The following WWP2 variants were observed in gnomAD, a reference collection of about 807,000 sequenced individuals.
WWP2 encodes the protein WW domain containing E3 ubiquitin protein ligase 2.
Under a neutral mutation model 121.0 loss-of-function variants are expected in WWP2, and 57 were observed. The observed-to-expected ratio is 0.47, with a 90% CI of 0.38 to 0.59. The LOEUF (loss-of-function observed/expected upper bound fraction) is 0.59. WWP2 is among the 20% of genes least tolerant of loss of function. The pLI is 0.00. For missense variants in WWP2, 962 were observed against 1,158.9 expected (o/e 0.83, Z 2.47); for synonymous variants, 449 against 441.3 (o/e 1.02, Z -0.22).
intron 18 of WWP2, 129 bp from the exon 19 acceptor site, chr16:69,936,183 C>A (rs1597189372): frequency 6.8e-7 from 1 of 1,461,234 alleles, no homozygotes; most frequent in Non-Finnish European, 9.3e-7. Context: ...AGTCAAGGAG[C>A]TGTCCCCTGT....
chr16:69,772,135 A>G (rs2055431365), intron 1 of WWP2, among the ~76,000 whole-genome samples: 1 of 150,648 alleles, frequency 6.6e-6, no homozygotes, highest in African/African-American at 2.4e-5. Flanking sequence ...CTAATTTTGT[A>G]TTTTTAGTAA....
intron 9 of WWP2, among the ~76,000 whole-genome samples, chr16:69,911,420 T>C (rs975550467): frequency 2.0e-5 from 3 of 152,064 alleles, no homozygotes; most frequent in East Asian, 1.9e-4. Context: ...ATGATCCAGG[T>C]TGGGGGGACA....
At chr16:69,908,886 A>T in intron 9 of WWP2, 36 bp downstream of exon 9, 1 of 1,613,896 alleles carries the variant, frequency 6.2e-7, no homozygotes, top group East Asian at 2.2e-5. Context: ...AGACTCTGGA[A>T]CTGACACCAT....
At chr16:69,920,136 A>T (rs1319109062) in intron 10 of WWP2, among the ~76,000 whole-genome samples, 1 of 152,126 alleles carries the variant, frequency 6.6e-6, no homozygotes, top group East Asian at 1.9e-4. Context: ...AAGTCACTGT[A>T]GCATCTCCCT....
chr16:69,872,581 AT>A, intron 7 of WWP2, among the ~76,000 whole-genome samples: 1 of 152,276 alleles, frequency 6.6e-6, no homozygotes, highest in Non-Finnish European at 1.5e-5. Flanking sequence ...TACATAGCAT[AT>A]TTTTTATTTC....
At chr16:69,936,126 G>C (rs1797174124) in intron 18 of WWP2, 140 bp downstream of exon 18, 3 of 1,455,996 alleles carry the variant, frequency 2.1e-6, no homozygotes, top group Non-Finnish European at 2.8e-6. Context: ...TTGTGGAGAG[G>C]AATGTCCTCT....
intron 9 of WWP2, among the ~76,000 whole-genome samples, chr16:69,913,419 T>C (rs767387796): frequency 2.0e-5 from 3 of 151,878 alleles, no homozygotes; most frequent in Non-Finnish European, 4.4e-5. Context: ...GGAGAATCAG[T>C]TGGGCCTGGA....
intron 4 of WWP2, among the ~76,000 whole-genome samples, chr16:69,805,734 T>C (rs2056261996): frequency 6.6e-6 from 1 of 151,722 alleles, no homozygotes; most frequent in Non-Finnish European, 1.5e-5. Flanking sequence ...TCTCAGTCTC[T>C]GGAGTAGCTG....
rs74666562 is a variant in WWP2, at chr16:69,937,854, G to T, written c.2343+202G>T. Reference sequence around the variant, plus strand: ...TGGTGGCCAGTGGATGTGACAGGAGGTCGTCAGTGGTCAGCCTTGGGCCAG... The same window carrying T: ...TGGTGGCCAGTGGATGTGACAGGAGTTCGTCAGTGGTCAGCCTTGGGCCAG... On this transcript the variant is annotated intron_variant, in intron 21 of 23. Coordinates refer to ENST00000359154, the MANE Select transcript of WWP2 (RefSeq NM_001270454.2). The surrounding 1 kb of genome is among the most constrained non-coding windows in gnomAD (Gnocchi z 6.6). 8.1e-3 allele frequency among the ~76,000 whole-genome samples: 1,227 copies of T among 152,328 alleles called. 25 individuals carry two copies. Among genetic ancestry groups the T allele is most frequent in the African/African-American group, 0.028 (1,159 of 41,572 alleles).
rs544070352 is a variant in WWP2, at chr16:69,822,093, G to A, written c.341-18033G>A. Among the ~76,000 whole-genome samples, 5 of 152,052 alleles carry A rather than the reference G, an allele frequency of 3.3e-5. No homozygotes were observed. The South Asian group carries it at 1.0e-3, about 32-fold the overall frequency. ...TGTTGCCTGAGCTGGTCTCAAACTC[G>A]TGGGCTCAAGCGATCCTTCCACCTC... On this transcript the variant is annotated intron_variant, in intron 4 of 23. Coordinates refer to ENST00000359154, the MANE Select transcript of WWP2 (RefSeq NM_001270454.2).
At chr16:69,835,797 A>G (rs1185780926) in intron 4 of WWP2, among the ~76,000 whole-genome samples, 1 of 144,270 alleles carries the variant, frequency 6.9e-6, no homozygotes, top group African/African-American at 2.6e-5. Context: ...ATATAAAACC[A>G]AAGTAAATTT....
chr16:69,934,123 C>T lies in WWP2; in HGVS notation c.1836C>T (p.Ile612=), dbSNP rs1056249733. 1.1e-5 allele frequency: 17 copies of T among 1,614,040 alleles called. No individual in the cohort carries two copies. In the Middle Eastern group the frequency reaches 4.9e-4, roughly 47 times the overall value. Residue 612 remains isoleucine (I), a synonymous_variant, in exon 17 of 24, where the codon ATC becomes ATT. Transcript: ENST00000359154. The part of the protein sequence containing the change: ...LTYFRFIGRF[I]AMALYHGKFI... The stretch of plus-strand genomic sequence containing the variant: ...ACTTTCGCTTTATAGGCAGATTCAT[C>T]GCCATGGTAAGGGGGCCCCAGGGGT...
rs538831500 is a variant in WWP2, at chr16:69,888,616, C to T, written c.914+367C>T. The stretch of plus-strand genomic sequence containing the variant: ...TCTTGAATTTTATCGTATCAGCCCA[C>T]GGAGGAGTTGGGTTTTAGGCTGTGA... On this transcript the variant is annotated intron_variant, in intron 8 of 23. Transcript: ENST00000359154. 3.2e-4 allele frequency among the ~76,000 whole-genome samples: 48 copies of T among 152,198 alleles called. No homozygotes were observed. The Middle Eastern group carries it at 0.024, about 75-fold the overall frequency.
At chr16:69,877,803 T>TTTGA (rs2057759350) in intron 7 of WWP2, among the ~76,000 whole-genome samples, 1 of 151,986 alleles carries the variant, frequency 6.6e-6, no homozygotes, top group African/African-American at 2.4e-5. Context: ...TAAATTTGCT[T>TTTGA]TTTATTTATT....
At chr16:69,762,449 G>A (rs1279861708) in intron 1 of WWP2, 58 bp downstream of exon 1, 1 of 147,370 alleles carries the variant, frequency 6.8e-6, no homozygotes, top group Non-Finnish European at 1.5e-5. Context: ...GGGCGGGCCG[G>A]GGGCGGCGGG....
At chr16:69,912,522 A>G (rs1035683256) in intron 9 of WWP2, among the ~76,000 whole-genome samples, 2 of 152,022 alleles carry the variant, frequency 1.3e-5, no homozygotes, top group Non-Finnish European at 2.9e-5. Flanking sequence ...AAGAGATTAA[A>G]TGCGGATGCT....
At chr16:69,812,035 G>A (rs1252346232) in intron 4 of WWP2, among the ~76,000 whole-genome samples, 1 of 152,102 alleles carries the variant, frequency 6.6e-6, no homozygotes, top group East Asian at 1.9e-4. Flanking sequence ...AGCTGTCACA[G>A]TCCAGGACCT....
At chr16:69,927,667 G>A (rs1450875972) in intron 11 of WWP2, among the ~76,000 whole-genome samples, 3 of 152,236 alleles carry the variant, frequency 2.0e-5, no homozygotes, top group African/African-American at 7.2e-5. Context: ...CAGGGCAGAC[G>A]TGGAGGATCT....
intron 17 of WWP2, among the ~76,000 whole-genome samples, chr16:69,934,559 A>G (rs1330473942): frequency 6.6e-6 from 1 of 151,970 alleles, no homozygotes; most frequent in Non-Finnish European, 1.5e-5. Context: ...TGACAGGGCC[A>G]GGTGAAACCA....
Sources: gnomAD v4.1 joint callset for allele counts (sites outside exome capture counted in the v4.1 genomes callset) on GRCh38, gnomAD v4.1.1 for gene constraint, Gnocchi (gnomAD v3.1) non-coding constraint, MANE v1.5 for transcripts, NCBI Gene and HGNC (gene_info 2026-07-23, HGNC 2026-07-21) for gene names.